Variants in ADHFE1 observed in about 807,000 individuals in gnomAD.
ADHFE1 encodes hydroxyacid-oxoacid transhydrogenase, mitochondrial.
A neutral mutation model predicts 54.8 loss-of-function variants in ADHFE1; 37 were observed. The ratio of observed to expected loss-of-function variants is 0.68; its 90% CI spans 0.52 to 0.89. ADHFE1 has a LOEUF of 0.89. Among genes scored for constraint, ADHFE1 ranks in the 40% least tolerant of loss-of-function variants. The pLI, the probability that ADHFE1 is intolerant of heterozygous loss-of-function variation, is 0.00. For missense variants in ADHFE1, 601 were observed against 591.2 expected (o/e 1.02, Z -0.17); for synonymous variants, 203 against 229.3 (o/e 0.89, Z 1.04).
intron 3 of ADHFE1, among the ~76,000 whole-genome samples, chr8:66,443,264 A>ATTTTTTT (rs540464621): frequency 0.037 from 3,189 of 85,942 alleles, 460 homozygotes; most frequent in Non-Finnish European, 0.057. Context: ...TAGTCCAGGA[A>ATTTTTTT]TTTTTTTTTT....
At chr8:66,437,211 T>TA (rs971693929) in intron 1 of ADHFE1, among the ~76,000 whole-genome samples, 40 of 152,038 alleles carry the variant, frequency 2.6e-4, no homozygotes, top group Non-Finnish European at 4.7e-4. Flanking sequence ...ATGAATAAGC[T>TA]AAAAAAATGC....
chr8:66,443,569 C>T (rs1191248502), intron 3 of ADHFE1, among the ~76,000 whole-genome samples: 4 of 152,102 alleles, frequency 2.6e-5, no homozygotes, highest in African/African-American at 4.8e-5. Flanking sequence ...TAAGCCACCG[C>T]GCCTGCCTTC....
At chr8:66,446,784 C>G (rs1563489578) in intron 6 of ADHFE1, among the ~76,000 whole-genome samples, 1 of 152,088 alleles carries the variant, frequency 6.6e-6, no homozygotes, top group Non-Finnish European at 1.5e-5. Context: ...TACATGCATG[C>G]TAACACATAC....
chr8:66,449,604 C>A (rs1462735692), intron 8 of ADHFE1, among the ~76,000 whole-genome samples: 2 of 152,146 alleles, frequency 1.3e-5, no homozygotes, highest in Admixed American at 1.3e-4. Flanking sequence ...CTGCTTTGTG[C>A]CGATGGCCCC....
intron 7 of ADHFE1, 71 bp from the exon 8 acceptor site, chr8:66,448,794 T>C: frequency 2.3e-6 from 3 of 1,317,674 alleles, no homozygotes; most frequent in Non-Finnish European, 3.2e-6. Flanking sequence ...TGATTTATTA[T>C]CCTGAAGTCA....
chr8:66,465,275 C>T (rs67433773), intron 13 of ADHFE1, among the ~76,000 whole-genome samples: 15,007 of 152,098 alleles, frequency 0.099, 846 homozygotes, highest in East Asian at 0.23. Context: ...CTATGTTTAA[C>T]TTTCTGAGGA....
At chr8:66,465,682 C>T (rs1398227359) in intron 13 of ADHFE1, among the ~76,000 whole-genome samples, 1 of 152,030 alleles carries the variant, frequency 6.6e-6, no homozygotes, top group Non-Finnish European at 1.5e-5. Context: ...TCACTGCAAC[C>T]TCCGCCTCCT....
In ADHFE1 at chr8:66,432,512, G is replaced by C. The variant is rs1330856595; in HGVS notation, c.-5G>C. On this transcript the variant is annotated 5_prime_UTR_variant, in exon 1 of 14. Coordinates refer to ENST00000396623, the MANE Select transcript of ADHFE1 (RefSeq NM_144650.3). ...ACCCGAGGAGGGAAGAGGACTCCAA[G>C]CGCCATGGCCGCTGCCGCCCGAGCC... 1.5e-6 allele frequency: 2 copies of C among 1,368,444 alleles called. No homozygotes were observed. The highest frequency in any genetic ancestry group is 3.5e-5 in the South Asian group (2 of 57,022). 84.8% of individuals were successfully genotyped at this position (1,368,444 alleles called of 1,614,324 possible). A position where few individuals can be genotyped will look rare whatever the true frequency, so the allele number is the denominator to read the frequency against.
intron 2 of ADHFE1, among the ~76,000 whole-genome samples, chr8:66,442,309 C>CTTT (rs1028439051): frequency 1.5e-5 from 2 of 133,802 alleles, no homozygotes; most frequent in African/African-American, 2.7e-5. Flanking sequence ...TACATTCTAT[C>CTTT]TTTTTTTTTT....
At chr8:66,442,380 G>A (rs1339756811) in intron 2 of ADHFE1, among the ~76,000 whole-genome samples, 10 of 146,688 alleles carry the variant, frequency 6.8e-5, no homozygotes, top group Middle Eastern at 3.6e-3. Flanking sequence ...GCGCGATCTC[G>A]GCTCACTGCA....
intron 12 of ADHFE1, among the ~76,000 whole-genome samples, chr8:66,458,294 A>G (rs1348241482): frequency 1.3e-5 from 2 of 152,164 alleles, no homozygotes; most frequent in Non-Finnish European, 2.9e-5. Flanking sequence ...GGGAGGTAGG[A>G]AGGACCGCAG....
intron 10 of ADHFE1, among the ~76,000 whole-genome samples, chr8:66,456,553 C>T (rs55932965): frequency 6.6e-6 from 1 of 152,204 alleles, no homozygotes; most frequent in Non-Finnish European, 1.5e-5. Flanking sequence ...GTTCAGGGAG[C>T]TACTTCTGGA....
At chr8:66,445,631 G>T (rs60505374) in intron 6 of ADHFE1, among the ~76,000 whole-genome samples, 110 of 152,340 alleles carry the variant, frequency 7.2e-4, no homozygotes, top group African/African-American at 2.6e-3. Flanking sequence ...AGGAAAGTTT[G>T]CAGATTTAAG....
At position 66,445,238 on chromosome 8, in the gene ADHFE1, T is replaced by C. The variant is rs760975020; in HGVS notation, c.374T>C (p.Phe125Ser). The C allele has an allele frequency of 6.2e-7, 1 of 1,608,186 alleles. No homozygotes were observed. The highest frequency in any genetic ancestry group is 8.5e-7 in the Non-Finnish European group (1 of 1,178,400). The change falls in exon 6 of 14, where the codon TTT (phenylalanine) becomes TCT (serine). Residue 125 changes from phenylalanine (F) to serine (S), a missense_variant. Physicochemically the swap from Phe to Ser is radical, Grantham distance 155. Coordinates refer to ENST00000396623, the MANE Select transcript of ADHFE1 (RefSeq NM_144650.3). ...CCAAGCTTCATGGAAGCTATTGAGT[T>C]TGCCCAAAAGGGAGCTTTTGATGCC... ...TDSSFMEAIE[F>S]AQKGAFDAYV...
chr8:66,441,516 G>T (rs1805744409), intron 2 of ADHFE1, among the ~76,000 whole-genome samples: 2 of 152,044 alleles, frequency 1.3e-5, no homozygotes, highest in South Asian at 4.1e-4. Flanking sequence ...CCTTAAAAAA[G>T]AAAAAGCATA....
In ADHFE1 at chr8:66,452,061, T is replaced by A. The variant is rs1242448100; in HGVS notation, c.843T>A (p.Ile281=). 3.1e-6 allele frequency: 5 copies of A among 1,614,036 alleles called. No individual in the cohort carries two copies. In the African/African-American group the frequency reaches 6.7e-5, roughly 22 times the overall value. Residue 281 remains isoleucine (I), a synonymous_variant, in exon 9 of 14, where the codon ATT becomes ATA. Coordinates refer to ENST00000396623, the MANE Select transcript of ADHFE1 (RefSeq NM_144650.3). ...AYQGSNPISD[I]WAIHALRIVA... ...AGGGCAGCAACCCAATCAGTGACAT[T>A]TGGGCTATCCACGCGCTGCGGATCG... is the stretch of plus-strand genomic sequence containing the variant.
intron 13 of ADHFE1, among the ~76,000 whole-genome samples, chr8:66,465,731 C>A (rs1336895455): frequency 6.6e-6 from 1 of 151,094 alleles, no homozygotes; most frequent in Non-Finnish European, 1.5e-5. Context: ...TCCTGAGTAA[C>A]TGGGACTACA....
At position 66,452,051 on chromosome 8, in the gene ADHFE1, T is replaced by C; in HGVS notation, c.833T>C (p.Ile278Thr). ...TRPAYQGSNP[I>T]SDIWAIHALR... ...CCTGCGTACCAGGGCAGCAACCCAA[T>C]CAGTGACATTTGGGCTATCCACGCG... is the stretch of plus-strand genomic sequence containing the variant. The change falls in exon 9 of 14, where the codon ATC (isoleucine) becomes ACC (threonine). Residue 278 changes from isoleucine (I) to threonine (T), a missense_variant. By Grantham distance (89) the Ile-to-Thr change is moderately conservative. Transcript: ENST00000396623. 6.2e-7 allele frequency: 1 copy of C among 1,614,188 alleles called. No homozygotes were observed. Among genetic ancestry groups the C allele is most frequent in the African/African-American group, 1.3e-5 (1 of 75,050 alleles).
chr8:66,453,865 C>A, intron 9 of ADHFE1, 194 bp from the exon 10 acceptor site: 1 of 1,493,736 alleles, frequency 6.7e-7, no homozygotes, highest in South Asian at 1.2e-5. Flanking sequence ...TTTGCTGAAA[C>A]AGTTGATGAG....
Sources: allele counts gnomAD v4.1 joint callset (sites outside exome capture counted in the v4.1 genomes callset), GRCh38; gene constraint gnomAD v4.1.1; transcripts MANE v1.5; gene names NCBI Gene and HGNC (gene_info 2026-07-23, HGNC 2026-07-21).